WDFY4: variants seen among roughly 807,000 people sequenced by gnomAD.
WDFY4 encodes the protein WDFY family member 4.
A neutral mutation model predicts 351.9 loss-of-function variants in WDFY4; 169 were observed. The ratio of observed to expected loss-of-function variants is 0.48; its 90% confidence interval spans 0.42 to 0.55. The LOEUF is 0.55. WDFY4 is among the 20% of genes least tolerant of loss of function. The pLI is 0.00. For synonymous variants in WDFY4, 1,622 were observed against 1,574.6 expected (o/e 1.03, Z -0.71); for missense variants, 3,803 against 3,935.6 (o/e 0.97, Z 0.90).
At chr10:48,822,731 G>T (rs924767703) in intron 35 of WDFY4, among the ~76,000 whole-genome samples, 194 bp downstream of exon 35, 1 of 152,158 alleles carries the variant, frequency 6.6e-6, no homozygotes, top group African/African-American at 2.4e-5. Context: ...CTCACCTCAG[G>T]CCCCCTGAGC....
chr10:48,808,551 T>C lies in WDFY4; in HGVS notation c.4838+593T>C, dbSNP rs554905034. On this transcript the variant is annotated intron_variant, in intron 28 of 61. Coordinates refer to ENST00000325239, the MANE Select transcript of WDFY4 (RefSeq NM_001394531.1). ...TGAGCATCTACTGCATGCCAGACACTGTTCCCAGCTCCTAGGATGCAGTGC... is the reference window on the plus strand; with the variant it reads ...TGAGCATCTACTGCATGCCAGACACCGTTCCCAGCTCCTAGGATGCAGTGC... Among the ~76,000 whole-genome samples, 9 of 151,686 alleles carry C rather than the reference T, an allele frequency of 5.9e-5. No homozygotes were observed. In the East Asian group the frequency reaches 1.8e-3, roughly 30 times the overall value.
intron 1 of WDFY4, among the ~76,000 whole-genome samples, chr10:48,692,613 AC>A (rs2063224786): frequency 6.6e-6 from 1 of 152,198 alleles, no homozygotes; most frequent in Non-Finnish European, 1.5e-5. Flanking sequence ...AATAACAATG[AC>A]ATTAAGGAGG....
At chr10:48,705,455 C>T (rs971306157) in intron 1 of WDFY4, among the ~76,000 whole-genome samples, 2 of 152,138 alleles carry the variant, frequency 1.3e-5, no homozygotes, top group Admixed American at 1.3e-4. Context: ...GAAGAGGCTG[C>T]TGGCTTGTAG....
At chr10:48,782,700 C>A (rs2066268090) in intron 19 of WDFY4, among the ~76,000 whole-genome samples, 1 of 152,236 alleles carries the variant, frequency 6.6e-6, no homozygotes, top group South Asian at 2.1e-4. Flanking sequence ...GTGAGAACTT[C>A]AGCTTAATTT....
Position 48,778,703 on chromosome 10 carries a change from CT to C in WDFY4, c.3269del (p.Leu1090ArgfsTer4). On this transcript the variant is annotated frameshift_variant, in exon 18 of 62. Coordinates refer to ENST00000325239, the MANE Select transcript of WDFY4 (RefSeq NM_001394531.1). LOFTEE classifies it high-confidence loss of function. Reference sequence around the variant, plus strand: ...TGGAGCTGCCACTGAGGGCCACCCGCTGCGCTTCCTGACGTTGGTGCGCCAC... The same window carrying C: ...TGGAGCTGCCACTGAGGGCCACCCGCGCGCTTCCTGACGTTGGTGCGCCAC... ...RHGAATEGHP[L>X]RFLTLVRHLA... The C allele has an allele frequency of 6.4e-7, 1 of 1,551,714 alleles. No homozygotes were observed. Among genetic ancestry groups the C allele is most frequent in the Non-Finnish European group, 8.7e-7 (1 of 1,147,014 alleles).
chr10:48,769,651 G>A (rs567533460), intron 13 of WDFY4, among the ~76,000 whole-genome samples: 3 of 152,252 alleles, frequency 2.0e-5, no homozygotes, highest in Admixed American at 2.0e-4. Context: ...TGCAGAAGAC[G>A]CACATATCTT....
At chr10:48,787,980 T>TCTTCTC (rs1476322566) in intron 20 of WDFY4, among the ~76,000 whole-genome samples, 856 of 52,886 alleles carry the variant, frequency 0.016, 41 homozygotes, top group South Asian at 0.022. Context: ...TTCTTCTTCT[T>TCTTCTC]CTTCTCCTTC....
chr10:48,831,620 T>G (rs2068192056), intron 38 of WDFY4, among the ~76,000 whole-genome samples: 1 of 152,234 alleles, frequency 6.6e-6, no homozygotes, highest in African/African-American at 2.4e-5. Context: ...ACATATCTGG[T>G]TTTGTCCATT....
At chr10:48,923,018 G>A (rs1839231239) in intron 47 of WDFY4, among the ~76,000 whole-genome samples, 1 of 152,144 alleles carries the variant, frequency 6.6e-6, no homozygotes, top group Non-Finnish European at 1.5e-5. Context: ...GCCCAAAAAG[G>A]CAATTTTACT....
intron 42 of WDFY4, among the ~76,000 whole-genome samples, chr10:48,876,454 C>T (rs1449672826): frequency 6.6e-6 from 1 of 152,194 alleles, no homozygotes; most frequent in African/African-American, 2.4e-5. Context: ...ATAGTATCTC[C>T]AACCAAGATG....
At chr10:48,805,822 G>A (rs41282013) in intron 26 of WDFY4, among the ~76,000 whole-genome samples, 182 bp from the exon 27 acceptor site, 9,229 of 152,238 alleles carry the variant, frequency 0.061, 477 homozygotes, top group East Asian at 0.15. Flanking sequence ...CAGAGTTAGC[G>A]TCTCTGGTGA....
chr10:48,914,593 G>T (rs1838333088), intron 47 of WDFY4, among the ~76,000 whole-genome samples: 1 of 152,126 alleles, frequency 6.6e-6, no homozygotes. Flanking sequence ...CTAGACCCCT[G>T]CATTAAGCTA....
intron 12 of WDFY4, among the ~76,000 whole-genome samples, chr10:48,744,375 G>A (rs1348277259): frequency 6.6e-6 from 1 of 152,224 alleles, no homozygotes; most frequent in Non-Finnish European, 1.5e-5. Flanking sequence ...AAGGATGCAT[G>A]TTAAATCTCC....
chr10:48,817,512 C>T (rs2067662739), intron 32 of WDFY4, 103 bp downstream of exon 32: 1 of 1,345,506 alleles, frequency 7.4e-7, no homozygotes. Flanking sequence ...AATTAAAATA[C>T]ATTTTAAGGC....
chr10:48,768,200 A>G (rs2065734053), intron 13 of WDFY4, among the ~76,000 whole-genome samples: 1 of 152,104 alleles, frequency 6.6e-6, no homozygotes, highest in African/African-American at 2.4e-5. Flanking sequence ...AAGTGGGTGA[A>G]TCTCCAAGCA....
chr10:48,801,272 G>A (rs985956855), intron 24 of WDFY4, among the ~76,000 whole-genome samples: 6 of 152,202 alleles, frequency 3.9e-5, no homozygotes, highest in African/African-American at 1.4e-4. Flanking sequence ...GATGAGCTAG[G>A]CAGCCTCAAA....
At chr10:48,689,887 C>T (rs953067951) in intron 1 of WDFY4, among the ~76,000 whole-genome samples, 1 of 152,222 alleles carries the variant, frequency 6.6e-6, no homozygotes, top group Non-Finnish European at 1.5e-5. Context: ...TCCCATTTTA[C>T]AGATGAGAAA....
At chr10:48,924,279 G>T (rs904473255) in intron 47 of WDFY4, among the ~76,000 whole-genome samples, 3 of 152,176 alleles carry the variant, frequency 2.0e-5, no homozygotes, top group African/African-American at 7.2e-5. Flanking sequence ...GTGTTGTGTG[G>T]CTCAGGGTCC....
chr10:48,978,452 C>A, intron 60 of WDFY4, 59 bp downstream of exon 60: 1 of 1,449,170 alleles, frequency 6.9e-7, no homozygotes, highest in Non-Finnish European at 9.3e-7. Flanking sequence ...CTCACCTCCC[C>A]TCTCTCCACC....
Sources: gnomAD v4.1 joint callset for allele counts (sites outside exome capture counted in the v4.1 genomes callset) on GRCh38, gnomAD v4.1.1 for gene constraint, MANE v1.5 for transcripts, NCBI Gene and HGNC (gene_info 2026-07-23, HGNC 2026-07-21) for gene names.